Variants in PES1 observed in about 807,000 individuals in gnomAD.
PES1 encodes the protein pescadillo homolog.
Under a neutral mutation model 77.1 loss-of-function variants are expected in PES1, and 31 were observed. That is an observed-to-expected ratio of 0.40 (90% CI 0.30 to 0.54). The LOEUF (loss-of-function observed/expected upper bound fraction) is 0.54. Among genes scored for constraint, PES1 ranks in the 20% least tolerant of loss-of-function variants. The pLI is 0.45. For missense variants in PES1, 658 were observed against 771.7 expected, an observed-to-expected ratio of 0.85 and a Z score of 1.75; for synonymous variants, 282 against 303.0, an observed-to-expected ratio of 0.93 and a Z score of 0.72.
intron 6 of PES1, among the ~76,000 whole-genome samples, chr22:30,581,896 AAGTC>A (rs1484482910): frequency 3.3e-5 from 5 of 152,086 alleles, no homozygotes; most frequent in Admixed American, 3.3e-4. Flanking sequence ...CGCATCCTGG[AAGTC>A]AGTGCCAGAC....
intron 1 of PES1, 28 bp downstream of exon 1, chr22:30,591,782 G>T: frequency 6.4e-7 from 1 of 1,550,674 alleles, no homozygotes; most frequent in Non-Finnish European, 8.7e-7. Context: ...CCCACCCCTC[G>T]GGAATCCCCA....
intron 2 of PES1, among the ~76,000 whole-genome samples, chr22:30,597,478 T>A (rs1231669077): frequency 1.3e-5 from 2 of 150,844 alleles, no homozygotes; most frequent in African/African-American, 2.4e-5. Context: ...CAATCTGCGC[T>A]CTGTGTCTAG....
upstream of PES1, among the ~76,000 whole-genome samples, chr22:30,594,184 T>A (rs2087223374): frequency 6.6e-6 from 1 of 152,206 alleles, no homozygotes; most frequent in Non-Finnish European, 1.5e-5. Flanking sequence ...ACTAACTGCA[T>A]AAAGTAGTTG....
intron 2 of PES1, among the ~76,000 whole-genome samples, chr22:30,604,698 C>G (rs1376589814): frequency 6.6e-6 from 1 of 151,886 alleles, no homozygotes; most frequent in African/African-American, 2.4e-5. Flanking sequence ...TTGCAGCTGG[C>G]TTTAGAGGTC....
intron 2 of PES1, among the ~76,000 whole-genome samples, chr22:30,598,004 C>T (rs1397003004): frequency 1.3e-5 from 2 of 151,350 alleles, no homozygotes; most frequent in Non-Finnish European, 3.0e-5. Context: ...CTGCCTCAGC[C>T]TCCCAAGTAG....
chr22:30,604,526 A>G (rs1465964713), intron 2 of PES1, among the ~76,000 whole-genome samples: 1 of 152,122 alleles, frequency 6.6e-6, no homozygotes, highest in Non-Finnish European at 1.5e-5. Flanking sequence ...TCAGCTACTC[A>G]AGAGGTTGAG....
intron 2 of PES1, among the ~76,000 whole-genome samples, chr22:30,596,976 T>C (rs2087262876): frequency 6.6e-6 from 1 of 152,126 alleles, no homozygotes; most frequent in Non-Finnish European, 1.5e-5. Flanking sequence ...CCGGCCCCGC[T>C]GGCCACGGGC....
intron 1 of PES1, among the ~76,000 whole-genome samples, chr22:30,590,515 G>C (rs1421453508): frequency 6.6e-6 from 1 of 152,092 alleles, no homozygotes; most frequent in Non-Finnish European, 1.5e-5. Flanking sequence ...AAGTCTTGGA[G>C]GTATAAAGAT....
chr22:30,598,991 G>A (rs2087312698), intron 2 of PES1, among the ~76,000 whole-genome samples: 1 of 136,210 alleles, frequency 7.3e-6, no homozygotes, highest in South Asian at 2.4e-4. Flanking sequence ...CCGTTTCCTG[G>A]GTTCGAAGCG....
Position 30,584,421 on chromosome 22 carries a change from C to T in PES1, c.574G>A (p.Ala192Thr). Reference sequence around the variant, plus strand: ...ACGATGGGCTGCCCCAGTACCTCGGCCTGGTAGTAAATGCCTTTGATGGAC... The same window carrying T: ...ACGATGGGCTGCCCCAGTACCTCGGTCTGGTAGTAAATGCCTTTGATGGAC... ...FLSIKGIYYQ[A>T]EVLGQPIVWI... is the part of the protein sequence containing the mutation. The change falls in exon 6 of 15, where the codon GCC becomes ACC. Residue 192 changes from alanine to threonine, a missense_variant. Coordinates refer to ENST00000354694, the MANE Select transcript of PES1 (RefSeq NM_014303.4). 3.1e-6 allele frequency: 5 copies of T among 1,612,530 alleles called. No individual in the cohort carries two copies. Among genetic ancestry groups the T allele is most frequent in the Non-Finnish European group, 4.2e-6 (5 of 1,179,260 alleles).
intron 2 of PES1, among the ~76,000 whole-genome samples, chr22:30,602,942 G>C (rs934275983): frequency 6.6e-6 from 1 of 151,310 alleles, no homozygotes; most frequent in Non-Finnish European, 1.5e-5. Context: ...AAGGAGTCTC[G>C]CTCTGTTGTC....
chr22:30,598,127 T>G (rs2087292772), intron 2 of PES1, among the ~76,000 whole-genome samples: 1 of 152,164 alleles, frequency 6.6e-6, no homozygotes, highest in South Asian at 2.1e-4. Flanking sequence ...AGTTTTATTC[T>G]TTCACTGTTT....
At chr22:30,601,967 T>C (rs2087361892) in intron 2 of PES1, 1 of 151,924 alleles carries the variant, frequency 6.6e-6, no homozygotes. Context: ...GAGACGGAGT[T>C]TCACCATGTT....
chr22:30,589,350 A>G (rs2087143766), intron 1 of PES1, 80 bp from the exon 2 acceptor site: 2 of 1,174,580 alleles, frequency 1.7e-6, no homozygotes, highest in South Asian at 2.6e-5. Flanking sequence ...CTAGTTCCAG[A>G]GGCAACTATC....
At chr22:30,601,582 G>A (rs1214200412) in intron 2 of PES1, among the ~76,000 whole-genome samples, 3 of 152,138 alleles carry the variant, frequency 2.0e-5, no homozygotes, top group African/African-American at 7.2e-5. Flanking sequence ...CCAAAGTGCT[G>A]GGATTACAGG....
chr22:30,595,671 A>G (rs1425951319), upstream of PES1, among the ~76,000 whole-genome samples: 1 of 151,162 alleles, frequency 6.6e-6, no homozygotes. Flanking sequence ...AGTCCTTCCC[A>G]GTGCCTGGTC....
At chr22:30,597,604 C>G (rs1477307020) in intron 2 of PES1, among the ~76,000 whole-genome samples, 1 of 151,496 alleles carries the variant, frequency 6.6e-6, no homozygotes, top group Non-Finnish European at 1.5e-5. Flanking sequence ...CACCCTGTGT[C>G]TAGCTCAGGG....
At chr22:30,583,706 T>C (rs2087021089) in intron 6 of PES1, among the ~76,000 whole-genome samples, 1 of 152,234 alleles carries the variant, frequency 6.6e-6, no homozygotes, top group Non-Finnish European at 1.5e-5. Flanking sequence ...GGAGGACTGC[T>C]TGAGCTCAGG....
chr22:30,593,316 A>G (rs1602023339), upstream of PES1, among the ~76,000 whole-genome samples: 1 of 152,180 alleles, frequency 6.6e-6, no homozygotes, highest in East Asian at 1.9e-4. Flanking sequence ...GCGAAAACCC[A>G]TCTCTACCAA....
Sources: gnomAD v4.1 joint callset for allele counts (sites outside exome capture counted in the v4.1 genomes callset) on GRCh38, gnomAD v4.1.1 for gene constraint, MANE v1.5 for transcripts, NCBI Gene and HGNC (gene_info 2026-07-23, HGNC 2026-07-21) for gene names.